The following AFAP1L2 variants were observed in gnomAD, a reference collection of about 807,000 sequenced individuals.
AFAP1L2 encodes actin filament associated protein 1 like 2.
A neutral mutation model predicts 99.3 loss-of-function variants in AFAP1L2; 46 were observed. The ratio of observed to expected loss-of-function variants is 0.46; its 90% confidence interval spans 0.37 to 0.59. The LOEUF is 0.59. AFAP1L2 is among the 20% of genes least tolerant of loss of function. AFAP1L2 has a pLI of 0.00. For missense variants in AFAP1L2, 959 were observed against 1,034.9 expected (o/e 0.93, Z 1.01); for synonymous variants, 397 against 419.1 (o/e 0.95, Z 0.64).
At chr10:114,389,196 T>G (rs919834254) in intron 1 of AFAP1L2, among the ~76,000 whole-genome samples, 2 of 152,112 alleles carry the variant, frequency 1.3e-5, no homozygotes, top group African/African-American at 4.8e-5. Context: ...CAGGACACAA[T>G]GCGAGGCAAA....
rs765707105 is a variant in AFAP1L2, at chr10:114,296,922, C to T, written c.2430+56G>A. 3.1e-6 allele frequency: 5 copies of T among 1,613,020 alleles called. No individual in the cohort carries two copies. In the Admixed American group the frequency reaches 5.0e-5, roughly 16 times the overall value. ...GCACCACCTGGGTCAGAAGATGGGC[C>T]CCTACCTTAGTGACATTTCTGCTGG... On this transcript the variant is annotated intron_variant, in intron 18 of 18. Coordinates refer to ENST00000304129, the MANE Select transcript of AFAP1L2 (RefSeq NM_001001936.3).
chr10:114,336,522 T>C (rs1041569519), intron 2 of AFAP1L2, among the ~76,000 whole-genome samples: 1 of 152,142 alleles, frequency 6.6e-6, no homozygotes, highest in Non-Finnish European at 1.5e-5. Flanking sequence ...CCTGAAGGTG[T>C]TGGGAAGATG....
At chr10:114,337,295 C>A (rs1388850384) in intron 2 of AFAP1L2, among the ~76,000 whole-genome samples, 1 of 152,220 alleles carries the variant, frequency 6.6e-6, no homozygotes, top group Non-Finnish European at 1.5e-5. Flanking sequence ...AGGGAATACA[C>A]TTTGGGATAA....
intron 5 of AFAP1L2, among the ~76,000 whole-genome samples, chr10:114,319,998 G>A (rs926439610): frequency 6.6e-6 from 1 of 152,192 alleles, no homozygotes; most frequent in Admixed American, 6.5e-5. Flanking sequence ...TGCGTCCCTC[G>A]AGGGTGGCCG....
chr10:114,289,677 C>T, the AFAP1L2 span: 3 of 640,564 alleles, frequency 4.7e-6, no homozygotes, highest in Non-Finnish European at 8.1e-6. Context: ...TCCTATTTGA[C>T]ATTTAAGGTA....
At chr10:114,345,530 G>A (rs763667805) in intron 1 of AFAP1L2, among the ~76,000 whole-genome samples, 40 of 152,144 alleles carry the variant, frequency 2.6e-4, no homozygotes, top group Non-Finnish European at 5.1e-4. Flanking sequence ...CATCAGCTGT[G>A]CCCCTACCAC....
intron 3 of AFAP1L2, 144 bp downstream of exon 3, chr10:114,333,077 C>T: frequency 4.1e-6 from 3 of 725,268 alleles, no homozygotes; most frequent in Non-Finnish European, 6.9e-6. Context: ...ATACGACCAA[C>T]AAAAATGTGG....
intron 4 of AFAP1L2, among the ~76,000 whole-genome samples, chr10:114,329,756 T>C (rs1229083595): frequency 6.6e-6 from 1 of 152,148 alleles, no homozygotes; most frequent in Non-Finnish European, 1.5e-5. Flanking sequence ...AAGCCTTTGC[T>C]CTGTTACAGA....
chr10:114,379,084 G>C (rs940451368), intron 1 of AFAP1L2, among the ~76,000 whole-genome samples: 1 of 152,024 alleles, frequency 6.6e-6, no homozygotes, highest in South Asian at 2.1e-4. Flanking sequence ...ATGGTGCTGG[G>C]TGCCCATAAT....
At chr10:114,289,566 G>T in the AFAP1L2 span, 2 of 1,524,320 alleles carry the variant, frequency 1.3e-6, no homozygotes, top group South Asian at 1.2e-5. Flanking sequence ...ACATCATGAC[G>T]AGGATGGCAG....
intron 10 of AFAP1L2, among the ~76,000 whole-genome samples, chr10:114,305,390 CAGG>C: frequency 8.3e-6 from 1 of 120,102 alleles, no homozygotes; most frequent in Admixed American, 9.2e-5. Context: ...AGCGGGGCTG[CAGG>C]AGGGGACGGC....
chr10:114,314,149 G>C, intron 6 of AFAP1L2, 99 bp from the exon 7 acceptor site: 1 of 1,236,376 alleles, frequency 8.1e-7, no homozygotes, highest in Admixed American at 2.3e-5. Context: ...GACTCACCAA[G>C]AGCCTGACTT....
At chr10:114,311,804 C>T (rs1211272305) in intron 7 of AFAP1L2, among the ~76,000 whole-genome samples, 1 of 152,184 alleles carries the variant, frequency 6.6e-6, no homozygotes, top group African/African-American at 2.4e-5. Flanking sequence ...CAGCATCTCC[C>T]GTTTACTGTC....
At chr10:114,352,479 T>TAAAAA (rs766929781) in intron 1 of AFAP1L2, among the ~76,000 whole-genome samples, 6,809 of 71,244 alleles carry the variant, frequency 0.096, 1,100 homozygotes, top group African/African-American at 0.3. Flanking sequence ...GTCTCCAAAT[T>TAAAAA]AAAAAAAAAA....
At chr10:114,286,916 G>GTGCACACATGCACATGTA in the AFAP1L2 span, among the ~76,000 whole-genome samples, 1 of 152,118 alleles carries the variant, frequency 6.6e-6, no homozygotes, top group Non-Finnish European at 1.5e-5. Context: ...TGTGTTCCTG[G>GTGCACACATGCACATGTA]TGCACACATG....
intron 1 of AFAP1L2, among the ~76,000 whole-genome samples, chr10:114,357,421 G>T (rs1323109939): frequency 3.3e-5 from 5 of 152,086 alleles, no homozygotes; most frequent in Admixed American, 3.3e-4. Context: ...TTGAAGCCAG[G>T]CTTTAACAAG....
At chr10:114,398,061 CA>C (rs1292009810) in intron 1 of AFAP1L2, among the ~76,000 whole-genome samples, 45 of 152,180 alleles carry the variant, frequency 3.0e-4, no homozygotes, top group Non-Finnish European at 2.9e-5. Context: ...GCAACGCGTC[CA>C]GGGGGAGGCA....
At chr10:114,347,475 A>C (rs1173943289) in intron 1 of AFAP1L2, among the ~76,000 whole-genome samples, 2 of 151,776 alleles carry the variant, frequency 1.3e-5, no homozygotes, top group East Asian at 3.9e-4. Flanking sequence ...TTTTTATTTT[A>C]CTTTACTTTC....
At chr10:114,347,910 C>T (rs2049844788) in intron 1 of AFAP1L2, among the ~76,000 whole-genome samples, 1 of 152,210 alleles carries the variant, frequency 6.6e-6, no homozygotes, top group South Asian at 2.1e-4. Context: ...ACCATTACCA[C>T]TATCTAGTTC....
Sources: allele counts gnomAD v4.1 joint callset (sites outside exome capture counted in the v4.1 genomes callset), GRCh38; gene constraint gnomAD v4.1.1; transcripts MANE v1.5; gene names NCBI Gene and HGNC (gene_info 2026-07-23, HGNC 2026-07-21).